NEGR1: variants seen among roughly 807,000 people sequenced by gnomAD.
The protein encoded by NEGR1 is neuronal growth regulator 1.
A neutral mutation model predicts 40.9 loss-of-function variants in NEGR1; 10 were observed. The ratio of observed to expected loss-of-function variants is 0.24; its 90% CI spans 0.15 to 0.42. The LOEUF is 0.42. Ranked by LOEUF, NEGR1 falls within the 10% of genes least tolerant of loss-of-function variation. The pLI is 1.00. For synonymous variants in NEGR1, 185 were observed against 166.8 expected, an observed-to-expected ratio of 1.11 and a Z score of -0.84; for missense variants, 352 against 438.9, an observed-to-expected ratio of 0.80 and a Z score of 1.77.
chr1:71,911,248 T>C (rs1276223219), intron 2 of NEGR1, among the ~76,000 whole-genome samples: 1 of 152,146 alleles, frequency 6.6e-6, no homozygotes, highest in African/African-American at 2.4e-5. Flanking sequence ...CTTAATTAGG[T>C]TGGTATAAAA....
At chr1:71,719,049 T>C (rs1474082874) in intron 3 of NEGR1, among the ~76,000 whole-genome samples, 1 of 152,202 alleles carries the variant, frequency 6.6e-6, no homozygotes, top group Non-Finnish European at 1.5e-5. Flanking sequence ...TATAAGGTGT[T>C]ATGGAAGAGT....
At chr1:71,728,509 T>C (rs1375949013) in intron 3 of NEGR1, among the ~76,000 whole-genome samples, 1 of 152,182 alleles carries the variant, frequency 6.6e-6, no homozygotes, top group East Asian at 1.9e-4. Context: ...TTCTATATTC[T>C]GACTTTCTAT....
At chr1:72,189,370 T>C (rs1475213952) in intron 1 of NEGR1, among the ~76,000 whole-genome samples, 1 of 151,488 alleles carries the variant, frequency 6.6e-6, no homozygotes, top group East Asian at 1.9e-4. Context: ...CTTATACTCT[T>C]TCCCACAAGA....
chr1:71,944,503 T>C (rs11805445), intron 1 of NEGR1, among the ~76,000 whole-genome samples: 5,647 of 152,232 alleles, frequency 0.037, 360 homozygotes, highest in African/African-American at 0.13. Context: ...CCATCAGCCA[T>C]CTTTGTGTTG....
At chr1:71,464,973 A>C (rs1049254832) in intron 6 of NEGR1, among the ~76,000 whole-genome samples, 14 of 152,116 alleles carry the variant, frequency 9.2e-5, no homozygotes, top group Admixed American at 1.3e-4. Flanking sequence ...ATCTTCAGAA[A>C]CGTATTAAAG....
rs1368420353 is a variant in NEGR1 at position 71,821,139 on chromosome 1, C to G, written c.410-44842G>C. On this transcript the variant is annotated intron_variant, in intron 2 of 6. Transcript: ENST00000357731. ...CAACAATATTAATTTATAGTTTTGC[C>G]TCAGGGCTATGTTAACTCTTCTGCC... is the stretch of plus-strand genomic sequence containing the variant. Among the ~76,000 whole-genome samples, 5 of 152,058 alleles carry G rather than the reference C, an allele frequency of 3.3e-5. No homozygotes were observed. In the East Asian group the frequency reaches 7.8e-4, roughly 24 times the overall value.
intron 6 of NEGR1, among the ~76,000 whole-genome samples, chr1:71,450,480 T>C (rs747787712): frequency 6.6e-6 from 1 of 152,188 alleles, no homozygotes; most frequent in Non-Finnish European, 1.5e-5. Context: ...AGAGATTTAA[T>C]GTTAATAGTG....
At chr1:71,989,252 C>T (rs1276275470) in intron 1 of NEGR1, among the ~76,000 whole-genome samples, 1 of 152,108 alleles carries the variant, frequency 6.6e-6, no homozygotes, top group Non-Finnish European at 1.5e-5. Flanking sequence ...TACATGTAAA[C>T]CTAAACACTT....
intron 6 of NEGR1, among the ~76,000 whole-genome samples, chr1:71,585,677 A>C (rs1649278894): frequency 6.7e-6 from 1 of 149,392 alleles, no homozygotes; most frequent in Non-Finnish European, 1.5e-5. Context: ...AATCTTGTAC[A>C]ACCTCTCCAT....
chr1:71,728,712 C>G (rs1399581381), intron 3 of NEGR1, among the ~76,000 whole-genome samples: 1 of 152,170 alleles, frequency 6.6e-6, no homozygotes, highest in Non-Finnish European at 1.5e-5. Context: ...TTGATTGCCT[C>G]TCAGAGTTTT....
chr1:71,921,443 C>G (rs1334030225), intron 2 of NEGR1, among the ~76,000 whole-genome samples: 1 of 152,094 alleles, frequency 6.6e-6, no homozygotes, highest in Non-Finnish European at 1.5e-5. Flanking sequence ...CCACCAGACA[C>G]AGCAGGACCA....
At chr1:71,479,763 T>C (rs977290093) in intron 6 of NEGR1, among the ~76,000 whole-genome samples, 3 of 152,030 alleles carry the variant, frequency 2.0e-5, no homozygotes, top group African/African-American at 7.2e-5. Context: ...CATGAGAAAA[T>C]CAGAGCTTCT....
chr1:71,631,690 C>G (rs1326854289), intron 4 of NEGR1, among the ~76,000 whole-genome samples: 1 of 151,678 alleles, frequency 6.6e-6, no homozygotes, highest in African/African-American at 2.4e-5. Flanking sequence ...ACAAGACTAA[C>G]TAGAATTTAA....
chr1:71,841,946 G>A (rs371958872), intron 2 of NEGR1, among the ~76,000 whole-genome samples: 3 of 152,072 alleles, frequency 2.0e-5, no homozygotes, highest in East Asian at 1.9e-4. Context: ...TTCCTTCAAC[G>A]TAAGTATCTT....
At chr1:71,594,407 A>C (rs1273569207) in intron 5 of NEGR1, among the ~76,000 whole-genome samples, 1 of 152,160 alleles carries the variant, frequency 6.6e-6, no homozygotes, top group Admixed American at 6.5e-5. Context: ...TGTGGCTTGC[A>C]CCTGAATTTA....
chr1:71,731,400 A>T (rs1654862059), intron 3 of NEGR1, among the ~76,000 whole-genome samples: 2 of 152,200 alleles, frequency 1.3e-5, no homozygotes, highest in African/African-American at 4.8e-5. Flanking sequence ...ACTTAGGGTG[A>T]GGAGTATTCA....
intron 3 of NEGR1, among the ~76,000 whole-genome samples, chr1:71,700,630 G>T (rs1377429728): frequency 1.3e-5 from 2 of 151,846 alleles, no homozygotes; most frequent in African/African-American, 4.8e-5. Context: ...GCTGCCATAA[G>T]AAAATACCAC....
chr1:71,919,049 T>G (rs1396027278), intron 2 of NEGR1, among the ~76,000 whole-genome samples: 1 of 152,180 alleles, frequency 6.6e-6, no homozygotes, highest in Non-Finnish European at 1.5e-5. Context: ...AAAATTACAG[T>G]GCTCACATTC....
At chr1:71,759,023 T>C (rs1244421535) in intron 3 of NEGR1, among the ~76,000 whole-genome samples, 7 of 152,220 alleles carry the variant, frequency 4.6e-5, no homozygotes, top group Non-Finnish European at 1.0e-4. Flanking sequence ...TGCATGGTTA[T>C]AATACTTCAC....
Sources: allele counts gnomAD v4.1 joint callset (sites outside exome capture counted in the v4.1 genomes callset), GRCh38; gene constraint gnomAD v4.1.1; transcripts MANE v1.5; gene names NCBI Gene and HGNC (gene_info 2026-07-23, HGNC 2026-07-21).